Variants in M1AP observed in about 807,000 individuals in gnomAD.
M1AP encodes the protein meiosis 1 associated protein.
Under a neutral mutation model 51.2 loss-of-function variants are expected in M1AP, and 39 were observed. The ratio of observed to expected loss-of-function variants is 0.76; its 90% CI spans 0.59 to 1.00. The LOEUF (loss-of-function observed/expected upper bound fraction) is 1.00. Among genes scored for constraint, M1AP ranks in the 50% least tolerant of loss-of-function variants. M1AP has a pLI of 0.00. For missense variants in M1AP, 545 were observed against 641.2 expected (o/e 0.85, Z 1.62); for synonymous variants, 251 against 249.2 (o/e 1.01, Z -0.07).
intron 7 of M1AP, among the ~76,000 whole-genome samples, 173 bp from the exon 8 acceptor site, chr2:74,562,596 A>G (rs747098542): frequency 4.6e-5 from 7 of 152,298 alleles, no homozygotes; most frequent in South Asian, 4.1e-4. Flanking sequence ...ATCACAATGT[A>G]CTACTCTTCC....
At chr2:74,613,027 CCTCAAA>C (rs1681461433) in intron 3 of M1AP, among the ~76,000 whole-genome samples, 6 of 151,722 alleles carry the variant, frequency 4.0e-5, no homozygotes. Flanking sequence ...ATTGATACAT[CCTCAAA>C]CTCAAAGATT....
rs1004706737 is a variant in M1AP at position 74,576,801 on chromosome 2, G to C, written c.770-183C>G. The C allele has an allele frequency of 3.9e-6, 5 of 1,276,934 alleles. No individual in the cohort carries two copies. In the African/African-American group the frequency reaches 6.0e-5, roughly 15 times the overall value. The allele number at this position is 1,276,934 out of a possible 1,614,324, so 79.1% of individuals were successfully genotyped here. A position where few individuals can be genotyped will look rare whatever the true frequency, so the allele number is the denominator to read the frequency against. On this transcript the variant is annotated intron_variant, in intron 5 of 10. Coordinates refer to ENST00000421985, the MANE Select transcript of M1AP (RefSeq NM_001321739.2). Reference sequence around the variant, plus strand: ...GAGGAAAGCCTGACTGGTTTGGAAAGGGAGAACAGGTCTGGAAGCTATAGT... The same window carrying C: ...GAGGAAAGCCTGACTGGTTTGGAAACGGAGAACAGGTCTGGAAGCTATAGT...
In M1AP at chr2:74,640,023, T is replaced by G; in HGVS notation, c.240+13A>C. On this transcript the variant is annotated intron_variant, in intron 2 of 10. Coordinates refer to ENST00000421985, the MANE Select transcript of M1AP (RefSeq NM_001321739.2). Reference sequence around the variant, plus strand: ...GCTTTCAGGGTAAAATGAATAAATATAGATATACTTACCACAAAAGGGAGG... The same window carrying G: ...GCTTTCAGGGTAAAATGAATAAATAGAGATATACTTACCACAAAAGGGAGG... 6.2e-7 allele frequency: 1 copy of G among 1,609,140 alleles called. No homozygotes were observed. The highest frequency in any genetic ancestry group is 8.5e-7 in the Non-Finnish European group (1 of 1,175,604).
In M1AP at chr2:74,562,484, C is replaced by T. The variant is rs1228100570; in HGVS notation, c.1075-61G>A. On this transcript the variant is annotated intron_variant, in intron 7 of 10. Coordinates refer to ENST00000421985, the MANE Select transcript of M1AP (RefSeq NM_001321739.2). ...TTAGTCTATGGCATGGTTTGAGGAT[C>T]AGTCCCAATTGAAGTTTCCCTGACT... The T allele has an allele frequency of 6.3e-6, 10 of 1,583,822 alleles. No individual in the cohort carries two copies. The Middle Eastern group carries it at 5.0e-4, about 79-fold the overall frequency.
rs138006701 is a variant in M1AP, at chr2:74,576,486, G to C, written c.902C>G (p.Ser301Trp). The change falls in exon 6 of 11, where the codon TCG (serine) becomes TGG (tryptophan). Residue 301 changes from serine (S) to tryptophan (W), a missense_variant. Coordinates refer to ENST00000421985, the MANE Select transcript of M1AP (RefSeq NM_001321739.2). ...ITLYQMASQS[S>W]ASHYKLQVIK... ...CACTTGGAGCTTGTAATGAGAGGCC[G>C]ATGACTGGGAAGCCATCTGGTAGAG... 1.3e-4 allele frequency: 210 copies of C among 1,613,958 alleles called. No homozygotes were observed. Among genetic ancestry groups the C allele is most frequent in the Non-Finnish European group, 1.7e-4 (198 of 1,179,974 alleles).
chr2:74,565,525 A>G (rs1305555430), intron 7 of M1AP, among the ~76,000 whole-genome samples: 1 of 152,124 alleles, frequency 6.6e-6, no homozygotes, highest in Non-Finnish European at 1.5e-5. Context: ...TCATCTCAAT[A>G]GATGGAGAAA....
At chr2:74,568,048 G>A (rs186916471) in intron 7 of M1AP, among the ~76,000 whole-genome samples, 13 of 152,350 alleles carry the variant, frequency 8.5e-5, no homozygotes, top group Non-Finnish European at 1.8e-4. Context: ...TATAGTCGAC[G>A]AGGACTGGTG....
At chr2:74,563,606 T>TAAAAAAAAAAAAA (rs750014043) in intron 7 of M1AP, among the ~76,000 whole-genome samples, 1 of 54,640 alleles carries the variant, frequency 1.8e-5, no homozygotes, top group Admixed American at 2.2e-4. Flanking sequence ...TCTCAAAACA[T>TAAAAAAAAAAAAA]AAAAAAAAAA....
chr2:74,623,775 G>A (rs1461628796), intron 2 of M1AP, among the ~76,000 whole-genome samples: 3 of 152,108 alleles, frequency 2.0e-5, no homozygotes, highest in Non-Finnish European at 4.4e-5. Flanking sequence ...AGGCTCAAGC[G>A]ATTCTCTCTC....
At chr2:74,568,096 G>A (rs1011482328) in intron 7 of M1AP, among the ~76,000 whole-genome samples, 2 of 152,370 alleles carry the variant, frequency 1.3e-5, no homozygotes, top group Non-Finnish European at 2.9e-5. Context: ...GGCAAGTGAA[G>A]AGGCAGTGGT....
rs1677675344 is a variant in M1AP at position 74,558,686 on chromosome 2, G to C, written c.*30C>G. On this transcript the variant is annotated 3_prime_UTR_variant, in exon 11 of 11. Transcript: ENST00000421985. Reference sequence around the variant, plus strand: ...TGAACCTGAGCATGGATATGGTTAAGCTGGGCAGCTGGGCTCTGGTGCTGG... The same window carrying C: ...TGAACCTGAGCATGGATATGGTTAACCTGGGCAGCTGGGCTCTGGTGCTGG... The C allele has an allele frequency of 1.2e-6, 2 of 1,610,224 alleles. No homozygotes were observed. Among genetic ancestry groups the C allele is most frequent in the African/African-American group, 2.7e-5 (2 of 74,792 alleles).
At chr2:74,623,072 G>T (rs1376870628) in intron 2 of M1AP, among the ~76,000 whole-genome samples, 1 of 151,336 alleles carries the variant, frequency 6.6e-6, no homozygotes, top group East Asian at 1.9e-4. Context: ...ATAATAATAA[G>T]GTCAGTAATT....
At position 74,585,778 on chromosome 2, in the gene M1AP, CT is replaced by C. The variant is rs373186064; in HGVS notation, c.596-3932del. On this transcript the variant is annotated intron_variant, in intron 4 of 10. Coordinates refer to ENST00000421985, the MANE Select transcript of M1AP (RefSeq NM_001321739.2). ...AAACCAGAACATTTTAGAGGCTAAA[CT>C]TTTTTTCCATTTTCTTTGTCATTCT... Among the ~76,000 whole-genome samples, 83 of 152,320 alleles carry C rather than the reference CT, an allele frequency of 5.4e-4. No homozygotes were observed. The East Asian group carries it at 0.014, about 26-fold the overall frequency.
chr2:74,570,977 A>G (rs1678698994), intron 7 of M1AP, among the ~76,000 whole-genome samples: 1 of 152,232 alleles, frequency 6.6e-6, no homozygotes, highest in Non-Finnish European at 1.5e-5. Flanking sequence ...AGGAAAGGTT[A>G]AAAGGGCTTG....
chr2:74,608,123 T>C (rs1160293822), intron 3 of M1AP, among the ~76,000 whole-genome samples: 3 of 152,156 alleles, frequency 2.0e-5, no homozygotes, highest in African/African-American at 7.2e-5. Context: ...GGGTTGACTC[T>C]TGGTGTAGTA....
intron 2 of M1AP, among the ~76,000 whole-genome samples, chr2:74,638,796 A>G (rs1683129274): frequency 6.6e-6 from 1 of 152,228 alleles, no homozygotes; most frequent in African/African-American, 2.4e-5. Context: ...GATCTACCTA[A>G]GCCACTTATG....
chr2:74,638,603 A>T (rs1244062718), intron 2 of M1AP, among the ~76,000 whole-genome samples: 1 of 152,086 alleles, frequency 6.6e-6, no homozygotes, highest in Non-Finnish European at 1.5e-5. Context: ...GTTCTGGGAG[A>T]AGCCCGCTGC....
chr2:74,645,368 C>A (rs1683545064), intron 1 of M1AP, among the ~76,000 whole-genome samples: 1 of 152,192 alleles, frequency 6.6e-6, no homozygotes. Flanking sequence ...CAAGAACCCA[C>A]CAATTCTGGA....
At chr2:74,575,283 T>C in intron 7 of M1AP, 155 bp downstream of exon 7, 1 of 1,440,840 alleles carries the variant, frequency 6.9e-7, no homozygotes, top group South Asian at 1.5e-5. Flanking sequence ...AAAAGGCAAG[T>C]CATATTTACT....
Sources: allele counts gnomAD v4.1 joint callset (sites outside exome capture counted in the v4.1 genomes callset), GRCh38; gene constraint gnomAD v4.1.1; transcripts MANE v1.5; gene names NCBI Gene and HGNC (gene_info 2026-07-23, HGNC 2026-07-21).